The following ORAI2 variants were observed in gnomAD, a reference collection of about 807,000 sequenced individuals.
ORAI2 encodes ORAI calcium release-activated calcium modulator 2.
Under a neutral mutation model 16.2 loss-of-function variants are expected in ORAI2, and 10 were observed. That is an observed-to-expected ratio of 0.62 (90% confidence interval 0.38 to 1.04). ORAI2 has a LOEUF of 1.04. Among genes scored for constraint, ORAI2 ranks in the 50% least tolerant of loss-of-function variants. The pLI, the probability that ORAI2 is intolerant of heterozygous loss-of-function variation, is 0.01. For missense variants in ORAI2, 238 were observed against 355.5 expected (o/e 0.67, Z 2.66); for synonymous variants, 150 against 157.5 (o/e 0.95, Z 0.35).
intron 3 of ORAI2, among the ~76,000 whole-genome samples, chr7:102,444,483 C>A (rs1449416295): frequency 6.8e-6 from 1 of 147,192 alleles, no homozygotes; most frequent in Non-Finnish European, 1.5e-5. Context: ...CAACTCCTGA[C>A]CTCAAGTGAT....
Position 102,438,994 on chromosome 7 carries a change from C to T in ORAI2, c.38C>T (p.Ala13Val), listed in dbSNP as rs998270514. Residue 13 changes from alanine (A) to valine (V), a missense_variant, in exon 3 of 4, where the codon GCT becomes GTT. By Grantham distance (64) the Ala-to-Val change is moderately conservative. Coordinates refer to ENST00000495936, the MANE Select transcript of ORAI2 (RefSeq NM_001126340.3). ...AELNVPIDPS[A>V]PACPEPGHKG... ...CTTAACGTGCCTATCGACCCCTCTGCTCCTGCCTGCCCTGAGCCCGGCCAT... is the reference window on the plus strand; with the variant it reads ...CTTAACGTGCCTATCGACCCCTCTGTTCCTGCCTGCCCTGAGCCCGGCCAT... 1.2e-6 allele frequency: 2 copies of T among 1,614,062 alleles called. No homozygotes were observed. Among genetic ancestry groups the T allele is most frequent in the Non-Finnish European group, 8.5e-7 (1 of 1,180,038 alleles).
Position 102,452,530 on chromosome 7 carries a change from T to G in ORAI2, c.*5478T>G, listed in dbSNP as rs1797552557. On this transcript the variant is annotated 3_prime_UTR_variant, in exon 4 of 4. Coordinates refer to ENST00000495936, the MANE Select transcript of ORAI2 (RefSeq NM_001126340.3). ...ATAGCTCTCTGCAGGCTCCAGCTTC[T>G]GGGCGCAAGCAATCCTCCCACCTCA... 1 of 152,002 alleles carries G rather than the reference T, an allele frequency of 6.6e-6. No individual in the cohort carries two copies. Among genetic ancestry groups the G allele is most frequent in the South Asian group, 2.1e-4 (1 of 4,814 alleles). 9.4% of individuals were successfully genotyped at this position (152,002 alleles called of 1,614,324 possible).
rs1222367825 is a variant in ORAI2 at position 102,455,804 on chromosome 7, C to T, written c.*8752C>T. The T allele has an allele frequency of 6.6e-6, 1 of 152,262 alleles. No individual in the cohort carries two copies. The highest frequency in any genetic ancestry group is 2.4e-5 in the African/African-American group (1 of 41,462). The allele number at this position is 152,262 out of a possible 1,614,324, so 9.4% of individuals were successfully genotyped here. A position where few individuals can be genotyped will look rare whatever the true frequency, so the allele number is the denominator to read the frequency against. ...GCCGAAGTTAAGGTGGCCTGGGAGC[C>T]ACGTCCTCCCACCTAGCGGCTGGGC... is the stretch of plus-strand genomic sequence containing the variant. On this transcript the variant is annotated 3_prime_UTR_variant, in exon 4 of 4. Coordinates refer to ENST00000495936, the MANE Select transcript of ORAI2 (RefSeq NM_001126340.3).
intron 3 of ORAI2, among the ~76,000 whole-genome samples, chr7:102,442,227 C>A (rs1466145658): frequency 6.6e-6 from 1 of 151,322 alleles, no homozygotes; most frequent in African/African-American, 2.4e-5. Context: ...ATCAGCCTGG[C>A]CAACATGGGG....
At position 102,455,771 on chromosome 7, in the gene ORAI2, A is replaced by G. The variant is rs1388205452; in HGVS notation, c.*8719A>G. 1 of 152,212 alleles carries G rather than the reference A, an allele frequency of 6.6e-6. No homozygotes were observed. Among genetic ancestry groups the G allele is most frequent in the Non-Finnish European group, 1.5e-5 (1 of 68,052 alleles). 9.4% of individuals were successfully genotyped at this position (152,212 alleles called of 1,614,324 possible). On this transcript the variant is annotated 3_prime_UTR_variant, in exon 4 of 4. Coordinates refer to ENST00000495936, the MANE Select transcript of ORAI2 (RefSeq NM_001126340.3). ...CTGTGCTCTTGCTCCAAGTGAGTTGACCAGGGAGCCGAAGTTAAGGTGGCC... is the reference window on the plus strand; with the variant it reads ...CTGTGCTCTTGCTCCAAGTGAGTTGGCCAGGGAGCCGAAGTTAAGGTGGCC...
intron 2 of ORAI2, among the ~76,000 whole-genome samples, chr7:102,436,757 C>G (rs1345947419): frequency 6.6e-6 from 1 of 152,102 alleles, no homozygotes; most frequent in East Asian, 1.9e-4. Flanking sequence ...GTCACCCAGG[C>G]TGGAGTGCAG....
At chr7:102,439,853 G>A (rs970138122) in intron 3 of ORAI2, among the ~76,000 whole-genome samples, 2 of 152,142 alleles carry the variant, frequency 1.3e-5, no homozygotes, top group African/African-American at 4.8e-5. Context: ...GCCGAGGTGA[G>A]TGGATCACTT....
intron 2 of ORAI2, among the ~76,000 whole-genome samples, chr7:102,437,563 C>T (rs563248128): frequency 1.3e-5 from 2 of 152,140 alleles, no homozygotes; most frequent in East Asian, 3.9e-4. Flanking sequence ...TGCAGTGAGC[C>T]GAAATTGCGC....
At chr7:102,441,513 T>C (rs1346484075) in intron 3 of ORAI2, among the ~76,000 whole-genome samples, 1 of 131,640 alleles carries the variant, frequency 7.6e-6, no homozygotes, top group African/African-American at 3.0e-5. Context: ...CACTCCAGCC[T>C]GGGCCATAGA....
At chr7:102,443,272 TCC>T (rs1797263628) in intron 3 of ORAI2, among the ~76,000 whole-genome samples, 1 of 145,108 alleles carries the variant, frequency 6.9e-6, no homozygotes. Context: ...GCCCCTTTTC[TCC>T]TTTTTTTTTT....
rs1490388679 is a variant in ORAI2, at chr7:102,456,198, A to G, written c.*9146A>G. The G allele has an allele frequency of 6.5e-6, 1 of 153,790 alleles. No individual in the cohort carries two copies. Among genetic ancestry groups the G allele is most frequent in the Non-Finnish European group, 1.5e-5 (1 of 68,146 alleles). 9.5% of individuals were successfully genotyped at this position (153,790 alleles called of 1,614,324 possible). The stretch of plus-strand genomic sequence containing the variant: ...TAAGCGCCCCCACCACAGCCCCATC[A>G]CAAAGGAATAGCCTCCTGGTGTAGT... On this transcript the variant is annotated 3_prime_UTR_variant, in exon 4 of 4. Transcript: ENST00000495936.
intron 3 of ORAI2, among the ~76,000 whole-genome samples, chr7:102,443,119 CTTCTTCTTCTTCTTTTT>C (rs1404941183): frequency 5.7e-5 from 5 of 88,158 alleles, no homozygotes; most frequent in Non-Finnish European, 1.0e-4. Context: ...TCTTCTTCTT[CTTCTTCTTCTTCTTTTT>C]TTTTTTTTTA....
Position 102,455,414 on chromosome 7 carries a change from T to C in ORAI2, c.*8362T>C, listed in dbSNP as rs1797620859. 6.6e-6 allele frequency: 1 copy of C among 152,138 alleles called. No homozygotes were observed. Among genetic ancestry groups the C allele is most frequent in the Admixed American group, 6.6e-5 (1 of 15,246 alleles). The allele number at this position is 152,138 out of a possible 1,614,324, so 9.4% of individuals were successfully genotyped here. A position where few individuals can be genotyped will look rare whatever the true frequency, so the allele number is the denominator to read the frequency against. ...CACAAACTTAACAGGTAATGGAGTT[T>C]CCTAAAGTGTGCTCTGCAGGAGTGC... is the stretch of plus-strand genomic sequence containing the variant. On this transcript the variant is annotated 3_prime_UTR_variant, in exon 4 of 4. Transcript: ENST00000495936.
At chr7:102,445,895 CTCTT>C (rs761061461) in intron 3 of ORAI2, among the ~76,000 whole-genome samples, 2,135 of 115,424 alleles carry the variant, frequency 0.018, 58 homozygotes, top group African/African-American at 0.054. Flanking sequence ...CTTTCTTTCT[CTCTT>C]TCTCTTTCTC....
chr7:102,455,529 C>T lies in ORAI2; in HGVS notation c.*8477C>T, dbSNP rs2133246522. ...CTCACGAGGCCTCTCCCCTCCAAGT[C>T]TCTATGTGCATCGTTCTCCAGATGT... On this transcript the variant is annotated 3_prime_UTR_variant, in exon 4 of 4. Coordinates refer to ENST00000495936, the MANE Select transcript of ORAI2 (RefSeq NM_001126340.3). 1 of 152,446 alleles carries T rather than the reference C, an allele frequency of 6.6e-6. No individual in the cohort carries two copies. 9.4% of individuals were successfully genotyped at this position (152,446 alleles called of 1,614,324 possible).
chr7:102,452,380 C>T lies in ORAI2; in HGVS notation c.*5328C>T, dbSNP rs549795208. The T allele has an allele frequency of 7.9e-5, 12 of 152,326 alleles. No individual in the cohort carries two copies. Among genetic ancestry groups the T allele is most frequent in the Non-Finnish European group, 1.0e-4 (7 of 68,094 alleles). The allele number at this position is 152,326 out of a possible 1,614,324, so 9.4% of individuals were successfully genotyped here. ...TCATGACCTCGTGATCTGCCCACCT[C>T]GGCCTCCCAAAGTGCTGGGATTACA... On this transcript the variant is annotated 3_prime_UTR_variant, in exon 4 of 4. Coordinates refer to ENST00000495936, the MANE Select transcript of ORAI2 (RefSeq NM_001126340.3).
chr7:102,438,549 C>G (rs1698068833), intron 2 of ORAI2, among the ~76,000 whole-genome samples: 1 of 151,262 alleles, frequency 6.6e-6, no homozygotes, highest in Admixed American at 6.6e-5. Flanking sequence ...CTGAGGCAGG[C>G]AGATCACTTG....
At chr7:102,441,429 A>C (rs1797195665) in intron 3 of ORAI2, among the ~76,000 whole-genome samples, 1 of 150,212 alleles carries the variant, frequency 6.7e-6, no homozygotes, top group Admixed American at 6.7e-5. Flanking sequence ...AATCCCAGCT[A>C]CTCCAGAGGC....
In ORAI2 at chr7:102,446,676, A is replaced by AC; in HGVS notation, c.391dup (p.Leu131ProfsTer10). The AC allele has an allele frequency of 6.2e-7, 1 of 1,614,148 alleles. No individual in the cohort carries two copies. The highest frequency in any genetic ancestry group is 8.5e-7 in the Non-Finnish European group (1 of 1,180,024). On this transcript the variant is annotated frameshift_variant, in exon 4 of 4. Transcript: ENST00000495936. LOFTEE classifies it high-confidence loss of function. ...GTGGAGGCCGTGAGCAACATCCACA[A>AC]CCTGAACTCCATCAGCGAGTCCCCG...
Sources: allele counts gnomAD v4.1 joint callset (sites outside exome capture counted in the v4.1 genomes callset), GRCh38; gene constraint gnomAD v4.1.1; transcripts MANE v1.5; gene names NCBI Gene and HGNC (gene_info 2026-07-23, HGNC 2026-07-21).